APBB1IP: variants seen among roughly 807,000 people sequenced by gnomAD.
APBB1IP encodes the protein amyloid beta A4 precursor protein-binding family B member 1-interacting protein.
APBB1IP carries 27 observed loss-of-function variants against 64.9 expected under a neutral mutation model. The observed-to-expected ratio is 0.42, with a 90% CI of 0.31 to 0.57. The LOEUF (loss-of-function observed/expected upper bound fraction) is 0.57. Ranked by LOEUF, APBB1IP falls within the 20% of genes least tolerant of loss-of-function variation. The probability of loss-of-function intolerance (pLI) is 0.20; values close to 1 mark genes in which losing one functional copy is unlikely to be tolerated. For synonymous variants in APBB1IP, 392 were observed against 331.0 expected, an observed-to-expected ratio of 1.18 and a Z score of -2.00; for missense variants, 812 against 845.5, an observed-to-expected ratio of 0.96 and a Z score of 0.49.
intron 8 of APBB1IP, among the ~76,000 whole-genome samples, chr10:26,520,992 G>A (rs1564368007): frequency 1.3e-5 from 2 of 152,182 alleles, no homozygotes; most frequent in East Asian, 1.9e-4. Context: ...GCTTAATTAG[G>A]AAGGAATTCC....
At chr10:26,495,169 A>G (rs1836004974) in intron 3 of APBB1IP, among the ~76,000 whole-genome samples, 1 of 151,274 alleles carries the variant, frequency 6.6e-6, no homozygotes, top group Non-Finnish European at 1.5e-5. Flanking sequence ...CACCACACCC[A>G]GCTAATTTTT....
chr10:26,535,746 G>A (rs780906652), intron 9 of APBB1IP, among the ~76,000 whole-genome samples: 21 of 152,124 alleles, frequency 1.4e-4, no homozygotes, highest in Middle Eastern at 6.8e-3. Context: ...ACAATATGCC[G>A]AGACTGTACT....
At chr10:26,507,694 G>T (rs147559455) in intron 6 of APBB1IP, among the ~76,000 whole-genome samples, 163 of 152,238 alleles carry the variant, frequency 1.1e-3, no homozygotes, top group African/African-American at 3.5e-3. Flanking sequence ...AAAGAAAATG[G>T]TAAAAGTAAA....
intron 2 of APBB1IP, among the ~76,000 whole-genome samples, chr10:26,459,231 T>C (rs1835562498): frequency 6.6e-6 from 1 of 151,688 alleles, no homozygotes; most frequent in African/African-American, 2.4e-5. Context: ...AGAATGATGA[T>C]TTCCAATTTC....
chr10:26,554,694 G>A (rs1156919611), intron 11 of APBB1IP, among the ~76,000 whole-genome samples: 1 of 152,070 alleles, frequency 6.6e-6, no homozygotes, highest in East Asian at 1.9e-4. Flanking sequence ...TGATCCTCCT[G>A]CCTCAGCCTC....
chr10:26,532,430 A>G (rs1436924239), intron 8 of APBB1IP, among the ~76,000 whole-genome samples: 3 of 152,112 alleles, frequency 2.0e-5, no homozygotes, highest in African/African-American at 2.4e-5. Flanking sequence ...AATACAAACC[A>G]TGCTTAGAGA....
chr10:26,492,485 T>G, intron 3 of APBB1IP, 87 bp downstream of exon 3: 1 of 1,270,348 alleles, frequency 7.9e-7, no homozygotes, highest in Non-Finnish European at 1.1e-6. Flanking sequence ...GCTGTCTTTT[T>G]TAAAACCCTG....
Position 26,531,434 on chromosome 10 carries a change from G to A in APBB1IP, c.814-2005G>A, listed in dbSNP as rs367617367. Among the ~76,000 whole-genome samples the A allele has an allele frequency of 4.6e-4, 70 of 152,278 alleles. 1 individual carries two copies. The East Asian group carries it at 0.011, about 24-fold the overall frequency. On this transcript the variant is annotated intron_variant, in intron 8 of 14. Transcript: ENST00000376236. ...TGTAATCCCAGCACTTTGGGAGTCC[G>A]AGGCAGGCGGATCACGAGGTCAGGA...
intron 2 of APBB1IP, among the ~76,000 whole-genome samples, chr10:26,453,617 C>T (rs59819668): frequency 0.3 from 45,647 of 151,888 alleles, 7,519 homozygotes; most frequent in Non-Finnish European, 0.38. Context: ...ACTGACCTGG[C>T]CATGGAGACC....
At chr10:26,468,626 T>G (rs1352296091) in intron 2 of APBB1IP, among the ~76,000 whole-genome samples, 1 of 152,058 alleles carries the variant, frequency 6.6e-6, no homozygotes, top group African/African-American at 2.4e-5. Context: ...CAAAAGTAAT[T>G]GCGGTTTTCA....
chr10:26,461,712 G>A (rs561797395), intron 2 of APBB1IP, among the ~76,000 whole-genome samples: 45 of 151,936 alleles, frequency 3.0e-4, no homozygotes, highest in African/African-American at 8.9e-4. Context: ...ATTAATTCCC[G>A]TAACATGGTA....
intron 2 of APBB1IP, among the ~76,000 whole-genome samples, chr10:26,439,403 C>T (rs1589185296): frequency 6.6e-6 from 1 of 152,074 alleles, no homozygotes; most frequent in African/African-American, 2.4e-5. Flanking sequence ...TAACTTTTTC[C>T]CCCGAATATT....
intron 9 of APBB1IP, among the ~76,000 whole-genome samples, chr10:26,534,090 G>A (rs1455387423): frequency 6.6e-6 from 1 of 151,888 alleles, no homozygotes; most frequent in Non-Finnish European, 1.5e-5. Context: ...CACTACTGGG[G>A]CGTGTTCCAG....
intron 11 of APBB1IP, among the ~76,000 whole-genome samples, chr10:26,558,616 A>T (rs867077337): frequency 6.3e-5 from 4 of 63,060 alleles, no homozygotes; most frequent in East Asian, 2.3e-4. Flanking sequence ...GTGTTTCTTT[A>T]AAAAAAAAAA....
intron 6 of APBB1IP, chr10:26,509,620 A>G (rs912829884): frequency 2.0e-5 from 3 of 152,208 alleles, no homozygotes; most frequent in Non-Finnish European, 4.4e-5. Context: ...GTTGTACTCT[A>G]TCTCATCCGA....
At chr10:26,505,306 G>T (rs1836161209) in intron 6 of APBB1IP, among the ~76,000 whole-genome samples, 1 of 152,116 alleles carries the variant, frequency 6.6e-6, no homozygotes, top group African/African-American at 2.4e-5. Flanking sequence ...GATTAGTCTG[G>T]TTCCACTCAT....
At chr10:26,445,151 A>C (rs1589187773) in intron 2 of APBB1IP, among the ~76,000 whole-genome samples, 1 of 144,242 alleles carries the variant, frequency 6.9e-6, no homozygotes, top group African/African-American at 2.5e-5. Flanking sequence ...AAAGAAAGAA[A>C]GAAAGAAAGA....
At chr10:26,562,834 C>T (rs1161877563) in intron 14 of APBB1IP, among the ~76,000 whole-genome samples, 5 of 151,686 alleles carry the variant, frequency 3.3e-5, no homozygotes, top group Non-Finnish European at 2.9e-5. Flanking sequence ...ATAGAAAATG[C>T]AGTTCCAACA....
intron 2 of APBB1IP, 50 bp from the exon 3 acceptor site, chr10:26,492,277 G>A: frequency 1.9e-6 from 3 of 1,540,054 alleles, no homozygotes; most frequent in Non-Finnish European, 2.7e-6. Context: ...GAGTATCCTA[G>A]GATCAGGCTT....
Sources: allele counts gnomAD v4.1 joint callset (sites outside exome capture counted in the v4.1 genomes callset), GRCh38; gene constraint gnomAD v4.1.1; transcripts MANE v1.5; gene names NCBI Gene and HGNC (gene_info 2026-07-23, HGNC 2026-07-21).